PCGF2: variants seen among roughly 807,000 people sequenced by gnomAD.
PCGF2 encodes the protein polycomb group ring finger 2.
A neutral mutation model predicts 36.1 loss-of-function variants in PCGF2; 8 were observed. The observed-to-expected ratio is 0.22, with a 90% CI of 0.13 to 0.40. The LOEUF is 0.40. Among genes scored for constraint, PCGF2 ranks in the 10% least tolerant of loss-of-function variants. The pLI, the probability that PCGF2 is intolerant of heterozygous loss-of-function variation, is 1.00. For synonymous variants in PCGF2, 198 were observed against 191.2 expected, an observed-to-expected ratio of 1.04 and a Z score of -0.29; for missense variants, 436 against 475.9, an observed-to-expected ratio of 0.92 and a Z score of 0.78.
chr17:38,736,257 G>A, intron 9 of PCGF2, 87 bp from the exon 10 acceptor site: 1 of 775,996 alleles, frequency 1.3e-6, no homozygotes, highest in Non-Finnish European at 2.2e-6. Context: ...GCGGGGCAAT[G>A]GGAAGGGTGG....
At chr17:38,738,325 T>C in intron 9 of PCGF2, 28 bp downstream of exon 9, 1 of 1,572,890 alleles carries the variant, frequency 6.4e-7, no homozygotes, top group Non-Finnish European at 8.7e-7. Flanking sequence ...ACACAGACAC[T>C]CATTTTTTGA....
chr17:38,735,355 A>G lies in PCGF2; in HGVS notation c.903T>C (p.Thr301=). 3.3e-6 allele frequency: 5 copies of G among 1,524,288 alleles called. No individual in the cohort carries two copies. The highest frequency in any genetic ancestry group is 3.5e-6 in the Non-Finnish European group (4 of 1,129,618). 94.4% of individuals were successfully genotyped at this position (1,524,288 alleles called of 1,614,324 possible). A position where few individuals can be genotyped will look rare whatever the true frequency, so the allele number is the denominator to read the frequency against. The change falls in exon 11 of 11, where the codon ACT becomes ACC. Residue 301 remains threonine, a synonymous_variant. Coordinates refer to ENST00000620225, the MANE Select transcript of PCGF2 (RefSeq NM_007144.3). ...GPPATHPTSP[T]PPSTASGATT... is the part of the protein sequence containing the mutation. Reference sequence around the variant, plus strand: ...TGGCCCCACTGGCTGTCGAAGGGGGAGTGGGGGAGGTAGGGTGGGTGGCTG... The same window carrying G: ...TGGCCCCACTGGCTGTCGAAGGGGGGGTGGGGGAGGTAGGGTGGGTGGCTG...
In PCGF2 at chr17:38,735,641, G is replaced by A. The variant is rs557186928; in HGVS notation, c.658-41C>T. The A allele has an allele frequency of 4.8e-5, 72 of 1,499,930 alleles. No homozygotes were observed. In the South Asian group the frequency reaches 8.1e-4, roughly 17 times the overall value. 92.9% of individuals were successfully genotyped at this position (1,499,930 alleles called of 1,614,324 possible). On this transcript the variant is annotated intron_variant, in intron 10 of 10. Transcript: ENST00000620225. ...GGAGGAGAGACACAGGGAAGGGGAAGGTATCAGGAGACAGAGTCCAACTAA... is the reference window on the plus strand; with the variant it reads ...GGAGGAGAGACACAGGGAAGGGGAAAGTATCAGGAGACAGAGTCCAACTAA...
At chr17:38,738,095 C>T (rs1906902409) in intron 9 of PCGF2, among the ~76,000 whole-genome samples, 1 of 152,172 alleles carries the variant, frequency 6.6e-6, no homozygotes, top group Non-Finnish European at 1.5e-5. Flanking sequence ...TTTTTGCACT[C>T]ACCTCTGCCA....
At chr17:38,744,261 C>G (rs573481519) in intron 2 of PCGF2, among the ~76,000 whole-genome samples, 22 of 152,352 alleles carry the variant, frequency 1.4e-4, no homozygotes, top group Admixed American at 3.9e-4. Context: ...CAGCATCCAA[C>G]CCCGACCCCT....
At chr17:38,743,058 C>G (rs1464178870) in intron 2 of PCGF2, among the ~76,000 whole-genome samples, 2 of 151,754 alleles carry the variant, frequency 1.3e-5, no homozygotes, top group Non-Finnish European at 2.9e-5. Context: ...CCACCTCATT[C>G]ACACACTCGC....
At chr17:38,738,326 C>T (rs1300776905) in intron 9 of PCGF2, 27 bp downstream of exon 9, 1 of 1,578,438 alleles carries the variant, frequency 6.3e-7, no homozygotes. Context: ...CACAGACACT[C>T]ATTTTTTGAA....
intron 2 of PCGF2, among the ~76,000 whole-genome samples, chr17:38,742,078 C>T (rs899101757): frequency 8.5e-5 from 13 of 152,198 alleles, no homozygotes; most frequent in East Asian, 5.8e-4. Flanking sequence ...ACCGCCTGCT[C>T]GACACCAGCC....
intron 10 of PCGF2, 24 bp from the exon 11 acceptor site, chr17:38,735,624 G>A (rs181962886): frequency 6.5e-7 from 1 of 1,529,328 alleles, no homozygotes; most frequent in Non-Finnish European, 8.8e-7. Context: ...GGGGAGGAGA[G>A]ACACAGGGAA....
Position 38,738,785 on chromosome 17 carries a change from GA to G in PCGF2, c.392del (p.Val131AlafsTer42). The G allele has an allele frequency of 6.2e-7, 1 of 1,614,020 alleles. No individual in the cohort carries two copies. Among genetic ancestry groups the G allele is most frequent in the Non-Finnish European group, 8.5e-7 (1 of 1,179,904 alleles). ...EKGALSDDEI[V>X]SLSIEFYEGA... ...CTTCGTAGAATTCGATGGAGAGGCT[GA>G]CAATCTCATCATCACTCAGAGCCCC... On this transcript the variant is annotated frameshift_variant, in exon 7 of 11. Coordinates refer to ENST00000620225, the MANE Select transcript of PCGF2 (RefSeq NM_007144.3). LOFTEE classifies it high-confidence loss of function.
At chr17:38,742,071 G>A (rs1431821843) in intron 2 of PCGF2, among the ~76,000 whole-genome samples, 2 of 152,202 alleles carry the variant, frequency 1.3e-5, no homozygotes, top group African/African-American at 2.4e-5. Context: ...TCCCCAGACC[G>A]CCTGCTCGAC....
intron 2 of PCGF2, among the ~76,000 whole-genome samples, chr17:38,746,127 G>A (rs1384429878): frequency 6.6e-6 from 1 of 151,922 alleles, no homozygotes; most frequent in African/African-American, 2.4e-5. Context: ...ATTGAAAAGG[G>A]CCTCCTGAAG....
intron 2 of PCGF2, among the ~76,000 whole-genome samples, chr17:38,744,981 A>G (rs1261218882): frequency 6.6e-6 from 1 of 152,188 alleles, no homozygotes; most frequent in Admixed American, 6.5e-5. Context: ...TTGGGAGGCC[A>G]AGGCGGATGG....
chr17:38,740,541 C>G (rs991931178), intron 2 of PCGF2, 99 bp from the exon 3 acceptor site: 1 of 781,000 alleles, frequency 1.3e-6, no homozygotes, highest in Admixed American at 2.9e-5. Context: ...GGGCGGATCA[C>G]GAGGTCAGGA....
At chr17:38,744,051 G>A (rs1178199495) in intron 2 of PCGF2, among the ~76,000 whole-genome samples, 3 of 152,126 alleles carry the variant, frequency 2.0e-5, no homozygotes, top group African/African-American at 7.2e-5. Flanking sequence ...AGTCCCAACT[G>A]TGTGTCCACC....
intron 10 of PCGF2, 111 bp from the exon 11 acceptor site, chr17:38,735,711 G>T: frequency 7.3e-7 from 1 of 1,364,944 alleles, no homozygotes; most frequent in Non-Finnish European, 9.7e-7. Context: ...CGAAAAAAGG[G>T]ATGGGATGGG....
At position 38,735,530 on chromosome 17, in the gene PCGF2, G is replaced by C; in HGVS notation, c.728C>G (p.Thr243Ser). The stretch of plus-strand genomic sequence containing the variant: ...GCTGGTGTTGGTGCCCTCGGAGGGG[G>C]TGGGCACCGTGGCTAGGGTGAGCCG... Reference protein sequence around the residue: ...CKRLTLATVPTPSEGTNTSGA... With the variant: ...CKRLTLATVPSPSEGTNTSGA... Residue 243 changes from threonine (T) to serine (S), a missense_variant, in exon 11 of 11, where the codon ACC (threonine) becomes AGC (serine). Thr to Ser is a moderately conservative substitution (Grantham distance 58, BLOSUM62 1). This residue lies in a region of PCGF2 where 227 missense variants were observed against 212.9 expected (regional missense o/e 1.07). Transcript: ENST00000620225. 1 of 1,589,330 alleles carries C rather than the reference G, an allele frequency of 6.3e-7. No homozygotes were observed. Among genetic ancestry groups the C allele is most frequent in the Non-Finnish European group, 8.6e-7 (1 of 1,167,922 alleles).
rs144030898 is a variant in PCGF2 at position 38,736,200 on chromosome 17, C to T, written c.577-30G>A. On this transcript the variant is annotated intron_variant, in intron 9 of 10. Coordinates refer to ENST00000620225, the MANE Select transcript of PCGF2 (RefSeq NM_007144.3). ...GGGAGGGAAGCGGAGGACACCATGA[C>T]CCTGGCCAGCTCGGGGCTCCAGGCT... The T allele has an allele frequency of 1.4e-3, 1,996 of 1,467,630 alleles. 26 individuals are homozygous for T. In the Admixed American group the frequency reaches 0.023, roughly 17 times the overall value. 90.9% of individuals were successfully genotyped at this position (1,467,630 alleles called of 1,614,324 possible).
At position 38,739,666 on chromosome 17, in the gene PCGF2, G is replaced by C; in HGVS notation, c.129C>G (p.Ile43Met). ...ECLHSFCKTC[I>M]VRYLETNKYC... ...ATTTGTTGGTCTCCAGGTAGCGCACGATGCAGGTTTTGCAGACTTGGGGGT... is the reference window on the plus strand; with the variant it reads ...ATTTGTTGGTCTCCAGGTAGCGCACCATGCAGGTTTTGCAGACTTGGGGGT... Residue 43 changes from isoleucine to methionine, a missense_variant, in exon 4 of 11, where the codon ATC becomes ATG. Around this residue, in one of 3 missense-constraint regions of PCGF2, gnomAD observed 189 missense variants for 219.3 expected, o/e 0.86. Transcript: ENST00000620225. This position sits in a 1 kb window ranked among gnomAD's most constrained non-coding sequence, Gnocchi z 4.0. The C allele has an allele frequency of 1.2e-6, 2 of 1,613,968 alleles. No individual in the cohort carries two copies. The highest frequency in any genetic ancestry group is 1.7e-6 in the Non-Finnish European group (2 of 1,179,866).
Sources: gnomAD v4.1 joint callset for allele counts (sites outside exome capture counted in the v4.1 genomes callset) on GRCh38, gnomAD v4.1.1 for gene constraint, gnomAD v4.1.1 regional missense constraint, Gnocchi (gnomAD v3.1) non-coding constraint, MANE v1.5 for transcripts, NCBI Gene and HGNC (gene_info 2026-07-23, HGNC 2026-07-21) for gene names.